DAB1: variants seen among roughly 807,000 people sequenced by gnomAD.
DAB1 encodes the protein disabled homolog 1.
In DAB1, 15 loss-of-function variants were observed where a neutral mutation model predicts 64.6. The ratio of observed to expected loss-of-function variants is 0.23; its 90% CI spans 0.16 to 0.36. The LOEUF is 0.36. DAB1 is among the 10% of genes least tolerant of loss of function. DAB1 has a pLI of 1.00. For missense variants in DAB1, 596 were observed against 706.7 expected, an observed-to-expected ratio of 0.84 and a Z score of 1.78; for synonymous variants, 235 against 251.9, an observed-to-expected ratio of 0.93 and a Z score of 0.64.
chr1:57,779,344 G>A (rs1446718372), intron 6 of DAB1, among the ~76,000 whole-genome samples: 7 of 152,118 alleles, frequency 4.6e-5, no homozygotes, highest in East Asian at 3.9e-4. Context: ...TGACTGAAGC[G>A]AAATGAAGGA....
intron 6 of DAB1, among the ~76,000 whole-genome samples, chr1:57,745,034 A>G (rs1272769737): frequency 6.6e-6 from 1 of 152,200 alleles, no homozygotes; most frequent in Non-Finnish European, 1.5e-5. Context: ...ATGTCAGAAA[A>G]TCTGAGTCTG....
chr1:57,794,403 T>C (rs1650745214), intron 6 of DAB1, among the ~76,000 whole-genome samples: 1 of 152,232 alleles, frequency 6.6e-6, no homozygotes, highest in Non-Finnish European at 1.5e-5. Flanking sequence ...TATTGCTTCT[T>C]GTTTTCTGAC....
chr1:57,409,732 C>T (rs1683955623), intron 1 of DAB1, among the ~76,000 whole-genome samples: 1 of 152,128 alleles, frequency 6.6e-6, no homozygotes, highest in Non-Finnish European at 1.5e-5. Flanking sequence ...TCACTTGAAC[C>T]CAGGAGGTAG....
In DAB1 at chr1:58,151,114, C is replaced by T. The variant is rs574085781; in HGVS notation, n.310-526G>A. On this transcript the variant is annotated intron_variant and non_coding_transcript_variant, in intron 4 of 20. Coordinates refer to the DAB1 transcript ENST00000485760. ...TCATTGATGGACATTTGGGTTGGTTCCAAGTCTTTGGTATTGTGAATAGTG... is the reference window on the plus strand; with the variant it reads ...TCATTGATGGACATTTGGGTTGGTTTCAAGTCTTTGGTATTGTGAATAGTG... Among the ~76,000 whole-genome samples, 12 of 152,238 alleles carry T rather than the reference C, an allele frequency of 7.9e-5. No homozygotes were observed. In the East Asian group the frequency reaches 2.1e-3, roughly 27 times the overall value.
intron 7 of DAB1, among the ~76,000 whole-genome samples, chr1:57,557,994 C>A (rs2101496220): frequency 6.8e-6 from 1 of 147,806 alleles, no homozygotes; most frequent in African/African-American, 2.5e-5. Flanking sequence ...CAGACACAAG[C>A]TTCTATCATG....
chr1:57,156,257 C>T (rs1438498317), intron 2 of DAB1, among the ~76,000 whole-genome samples: 1 of 152,160 alleles, frequency 6.6e-6, no homozygotes, highest in Non-Finnish European at 1.5e-5. Context: ...CCTCTTCCAC[C>T]CAGCTGCCAC....
At chr1:57,961,245 A>G (rs1244632731) in intron 5 of DAB1, among the ~76,000 whole-genome samples, 1 of 152,198 alleles carries the variant, frequency 6.6e-6, no homozygotes, top group Non-Finnish European at 1.5e-5. Context: ...ACATTTGTAT[A>G]TAGGTAATAT....
At chr1:57,461,870 A>T (rs1686791104) in intron 7 of DAB1, among the ~76,000 whole-genome samples, 1 of 151,952 alleles carries the variant, frequency 6.6e-6, no homozygotes, top group Non-Finnish European at 1.5e-5. Context: ...GAATGAATGA[A>T]ACCATGGAGG....
At chr1:57,996,975 T>G (rs1362923286) in intron 5 of DAB1, among the ~76,000 whole-genome samples, 2 of 152,072 alleles carry the variant, frequency 1.3e-5, no homozygotes, top group African/African-American at 4.8e-5. Flanking sequence ...TCCACCCCAC[T>G]GCCAACCAGG....
chr1:58,231,750 A>C (rs1472066584), intron 4 of DAB1, among the ~76,000 whole-genome samples: 1 of 152,226 alleles, frequency 6.6e-6, no homozygotes, highest in African/African-American at 2.4e-5. Context: ...GTACACTGAC[A>C]ATAAACTCAG....
At chr1:58,184,987 C>G (rs1359330405) in intron 4 of DAB1, among the ~76,000 whole-genome samples, 1 of 152,154 alleles carries the variant, frequency 6.6e-6, no homozygotes, top group African/African-American at 2.4e-5. Flanking sequence ...AGACTGCACT[C>G]AAATCAACCC....
chr1:58,051,516 A>T (rs1022999952), intron 5 of DAB1, among the ~76,000 whole-genome samples: 5 of 152,174 alleles, frequency 3.3e-5, no homozygotes, highest in African/African-American at 1.2e-4. Context: ...ATACGTGTGC[A>T]TGTGTCTTTA....
chr1:57,987,414 C>T (rs1005248000), intron 5 of DAB1, among the ~76,000 whole-genome samples: 2 of 152,112 alleles, frequency 1.3e-5, no homozygotes, highest in Non-Finnish European at 2.9e-5. Context: ...TATTGGTTCC[C>T]TAGTTATAAA....
chr1:58,127,954 T>A (rs1264028169), intron 5 of DAB1, among the ~76,000 whole-genome samples: 3 of 152,180 alleles, frequency 2.0e-5, no homozygotes, highest in African/African-American at 7.2e-5. Context: ...TCTTTTTTGG[T>A]TCCATATGAA....
chr1:57,890,209 G>C (rs1027560327), intron 5 of DAB1, among the ~76,000 whole-genome samples: 9 of 152,044 alleles, frequency 5.9e-5, no homozygotes, highest in Non-Finnish European at 2.9e-5. Flanking sequence ...ACGAGAGTTT[G>C]GACAACAGCC....
At chr1:57,856,155 G>A (rs1249616434) in intron 1 of DAB1, among the ~76,000 whole-genome samples, 3 of 151,894 alleles carry the variant, frequency 2.0e-5, no homozygotes, top group African/African-American at 7.2e-5. Flanking sequence ...GGAGAGCCTA[G>A]AAAAGAGAAG....
chr1:58,161,381 A>G (rs1655528062), intron 4 of DAB1, among the ~76,000 whole-genome samples: 1 of 152,190 alleles, frequency 6.6e-6, no homozygotes, highest in African/African-American at 2.4e-5. Flanking sequence ...CCTTAAGATG[A>G]AGAAGAAAAG....
At position 57,058,048 on chromosome 1, in the gene DAB1, G is replaced by A. The variant is rs113546616; in HGVS notation, c.723+4836C>T. Among the ~76,000 whole-genome samples, 625 of 152,192 alleles carry A rather than the reference G, an allele frequency of 4.1e-3. 1 individual carries two copies. Among genetic ancestry groups the A allele is most frequent in the Middle Eastern group, 0.014 (4 of 294 alleles). Reference sequence around the variant, plus strand: ...GGAAAAATCCAACCCTAGGTAGGATGAAAAAACAAAAATCAAAAATAACCC... The same window carrying A: ...GGAAAAATCCAACCCTAGGTAGGATAAAAAAACAAAAATCAAAAATAACCC... On this transcript the variant is annotated intron_variant, in intron 9 of 14. Transcript: ENST00000371236.
intron 4 of DAB1, among the ~76,000 whole-genome samples, chr1:58,324,654 C>A (rs1005234173): frequency 1.1e-4 from 16 of 152,088 alleles, no homozygotes; most frequent in Admixed American, 2.6e-4. Context: ...TCTTACTGTG[C>A]CTTTCTGTTC....
Sources: allele counts gnomAD v4.1 joint callset (sites outside exome capture counted in the v4.1 genomes callset), GRCh38; gene constraint gnomAD v4.1.1; transcripts MANE v1.5; gene names NCBI Gene and HGNC (gene_info 2026-07-23, HGNC 2026-07-21).